MAP3K6: variants seen among roughly 807,000 people sequenced by gnomAD.
MAP3K6 encodes the protein apoptosis signal-regulating kinase 2.
In MAP3K6, 105 loss-of-function variants were observed where a neutral mutation model predicts 147.1. The observed-to-expected ratio is 0.71, with a 90% confidence interval of 0.61 to 0.84. The LOEUF (loss-of-function observed/expected upper bound fraction) is 0.84. Ranked by LOEUF, MAP3K6 falls within the 40% of genes least tolerant of loss-of-function variation. The pLI is 0.00. For missense variants in MAP3K6, 1,569 were observed against 1,715.0 expected, an observed-to-expected ratio of 0.91 and a Z score of 1.50; for synonymous variants, 695 against 732.4, an observed-to-expected ratio of 0.95 and a Z score of 0.82.
rs1191744071 is a variant in MAP3K6, at chr1:27,357,506, T to C, written c.3152A>G (p.Asn1051Ser). The change falls in exon 23 of 29, where the codon AAC becomes AGC. Residue 1051 changes from asparagine (N) to serine (S), a missense_variant. Coordinates refer to ENST00000357582, the MANE Select transcript of MAP3K6 (RefSeq NM_004672.5). ...CAGCTCCTGGGCGAGCTGCCGGCGG[T>C]TGGGAGTGTGGATGTGTGCCCCGAG... is the stretch of plus-strand genomic sequence containing the variant. Reference protein sequence around the residue: ...RCLGAHIHTPNRRQLAQELRA... With the variant: ...RCLGAHIHTPSRRQLAQELRA... 4.3e-6 allele frequency: 7 copies of C among 1,612,998 alleles called. No homozygotes were observed. The highest frequency in any genetic ancestry group is 5.9e-6 in the Non-Finnish European group (7 of 1,179,784).
chr1:27,356,957 C>G (rs2148046972), intron 24 of MAP3K6, 52 bp downstream of exon 24: 2 of 1,576,766 alleles, frequency 1.3e-6, no homozygotes, highest in Non-Finnish European at 1.7e-6. Flanking sequence ...TCACCGCGCC[C>G]AGCAAGCACC....
intron 8 of MAP3K6, 114 bp downstream of exon 8, chr1:27,362,527 C>T (rs2015816708): frequency 1.1e-6 from 1 of 898,662 alleles, no homozygotes; most frequent in Non-Finnish European, 1.7e-6. Flanking sequence ...GCAGGACAGT[C>T]CAAAATGGAT....
In MAP3K6 at chr1:27,359,794, C is replaced by T; in HGVS notation, c.2319+64G>A. Reference sequence around the variant, plus strand: ...CTTAATCTAAACTGCCAGCCTGCGTCTGGGACCATGTTTCCTTCCCCGCCA... The same window carrying T: ...CTTAATCTAAACTGCCAGCCTGCGTTTGGGACCATGTTTCCTTCCCCGCCA... On this transcript the variant is annotated intron_variant, in intron 17 of 28. Transcript: ENST00000357582. The surrounding 1 kb of genome is among the most constrained non-coding windows in gnomAD (Gnocchi z 4.4). 6.2e-7 allele frequency: 1 copy of T among 1,605,700 alleles called. No homozygotes were observed.
intron 5 of MAP3K6, 21 bp downstream of exon 5, chr1:27,363,896 G>C: frequency 6.5e-7 from 1 of 1,547,908 alleles, no homozygotes; most frequent in Non-Finnish European, 8.7e-7. Context: ...CTGCCCTACT[G>C]CCTCTCTGAA....
chr1:27,366,243 C>T lies in MAP3K6; in HGVS notation c.340+15G>A. 1.5e-6 allele frequency: 2 copies of T among 1,310,818 alleles called. No individual in the cohort carries two copies. Among genetic ancestry groups the T allele is most frequent in the Non-Finnish European group, 1.9e-6 (2 of 1,031,614 alleles). 81.2% of individuals were successfully genotyped at this position (1,310,818 alleles called of 1,614,324 possible). A position where few individuals can be genotyped will look rare whatever the true frequency, so the allele number is the denominator to read the frequency against. On this transcript the variant is annotated intron_variant, in intron 1 of 28. Transcript: ENST00000357582. The surrounding 1 kb of genome is among the most constrained non-coding windows in gnomAD (Gnocchi z 5.5). ...GAGTCCCGCCCGGATCCGGCCCCGC[C>T]CCCAGCGCTCTCACCCGCGTTGTAG...
Position 27,357,001 on chromosome 1 carries a change from C to A in MAP3K6, c.3364+8G>T, listed in dbSNP as rs771938222. ...GCTGGCAGGAGGCCCGTGGCATTCC[C>A]CTCCTACCCGGTCCTAGCACACCCA... On this transcript the variant is annotated splice_region_variant and intron_variant, in intron 24 of 28. Transcript: ENST00000357582. 6 of 1,613,118 alleles carry A rather than the reference C, an allele frequency of 3.7e-6. No individual in the cohort carries two copies. In the South Asian group the frequency reaches 6.6e-5, roughly 18 times the overall value.
rs536104398 is a variant in MAP3K6, at chr1:27,360,731, G to C, written c.2028C>G (p.Ile676Met). The C allele has an allele frequency of 2.5e-6, 4 of 1,612,420 alleles. No homozygotes were observed. In the Admixed American group the frequency reaches 5.0e-5, roughly 20 times the overall value. ...RDRHTRVRIA[I>M]KEIPERDSRF... ...TGCTGTCCCGCTCCGGGATCTCCTTGATGGCGATGCGCACCCTCGTGTGGC... is the reference window on the plus strand; with the variant it reads ...TGCTGTCCCGCTCCGGGATCTCCTTCATGGCGATGCGCACCCTCGTGTGGC... The change falls in exon 15 of 29, where the codon ATC becomes ATG. Residue 676 changes from isoleucine (I) to methionine (M), a missense_variant. Coordinates refer to ENST00000357582, the MANE Select transcript of MAP3K6 (RefSeq NM_004672.5). The surrounding 1 kb of genome is among the most constrained non-coding windows in gnomAD (Gnocchi z 4.5).
intron 22 of MAP3K6, 33 bp downstream of exon 22, chr1:27,357,678 G>A (rs370600411): frequency 9.0e-5 from 144 of 1,603,510 alleles, no homozygotes; most frequent in Admixed American, 1.8e-4. Flanking sequence ...GACCCTTTGC[G>A]ACCACCAGGG....
chr1:27,356,018 C>T lies in MAP3K6; in HGVS notation c.3711+8G>A, dbSNP rs372060699. 21 of 1,613,410 alleles carry T rather than the reference C, an allele frequency of 1.3e-5. No individual in the cohort carries two copies. Among genetic ancestry groups the T allele is most frequent in the African/African-American group, 6.7e-5 (5 of 74,902 alleles). ...AGGTCAGGGATAGCCAAGCACTCCC[C>T]GACTCACCATTTGGATGGTGCCTGA... On this transcript the variant is annotated splice_region_variant and intron_variant, in intron 27 of 28. Transcript: ENST00000357582.
chr1:27,357,345 C>T (rs79512993), intron 23 of MAP3K6, 55 bp downstream of exon 23: 12 of 1,550,880 alleles, frequency 7.7e-6, no homozygotes, highest in South Asian at 6.1e-5. Flanking sequence ...TCACCAGGCA[C>T]GGGGAACTCA....
Position 27,364,775 on chromosome 1 carries a change from G to A in MAP3K6, c.478C>T (p.Arg160Trp), listed in dbSNP as rs765108232. The change falls in exon 2 of 29, where the codon CGG (arginine) becomes TGG (tryptophan). Residue 160 changes from arginine (R) to tryptophan (W), a missense_variant and splice_region_variant. Transcript: ENST00000357582. This position sits in a 1 kb window ranked among gnomAD's most constrained non-coding sequence, Gnocchi z 4.4. ...QADLPDLQAL[R>W]EDVFQKNSDC... The stretch of plus-strand genomic sequence containing the variant: ...TCCACCAGCCCCAGGCCACCTACCC[G>A]CAGGGCCTGCAGGTCAGGGAGGTCG... 2.9e-5 allele frequency: 46 copies of A among 1,613,578 alleles called. No individual in the cohort carries two copies. In the Middle Eastern group the frequency reaches 8.3e-4, roughly 29 times the overall value.
Position 27,366,413 on chromosome 1 carries a change from C to A in MAP3K6, c.185G>T (p.Arg62Leu). 1.6e-6 allele frequency: 2 copies of A among 1,226,934 alleles called. No individual in the cohort carries two copies. The highest frequency in any genetic ancestry group is 2.0e-6 in the Non-Finnish European group (2 of 984,302). 76.0% of individuals were successfully genotyped at this position (1,226,934 alleles called of 1,614,324 possible). A position where few individuals can be genotyped will look rare whatever the true frequency, so the allele number is the denominator to read the frequency against. ...TREPQPGLEP[R>L]EGTEAEPLPL... Reference sequence around the variant, plus strand: ...CAGCGGCTCCGCCTCGGTTCCCTCCCGAGGCTCGAGCCCGGGCTGCGGCTC... The same window carrying A: ...CAGCGGCTCCGCCTCGGTTCCCTCCAGAGGCTCGAGCCCGGGCTGCGGCTC... Residue 62 changes from arginine (R) to leucine (L), a missense_variant, in exon 1 of 29, where the codon CGG (arginine) becomes CTG (leucine). Transcript: ENST00000357582. This position sits in a 1 kb window ranked among gnomAD's most constrained non-coding sequence, Gnocchi z 5.5.
At chr1:27,363,867 G>A in intron 5 of MAP3K6, 50 bp downstream of exon 5, 1 of 1,483,090 alleles carries the variant, frequency 6.7e-7, no homozygotes, top group Non-Finnish European at 9.0e-7. Flanking sequence ...ACTTGGGTTT[G>A]TCTGACCTCA....
intron 23 of MAP3K6, 74 bp from the exon 24 acceptor site, chr1:27,357,188 G>A: frequency 7.0e-7 from 1 of 1,431,828 alleles, no homozygotes. Flanking sequence ...GAAAGGCCTA[G>A]AAAGTCTTCG....
chr1:27,356,812 A>G (rs1252791933), intron 24 of MAP3K6, 63 bp from the exon 25 acceptor site: 34 of 1,514,944 alleles, frequency 2.2e-5, no homozygotes, highest in Non-Finnish European at 3.5e-6. Context: ...CCCAGACCCC[A>G]AAGTGCGGGG....
rs766950034 is a variant in MAP3K6 at position 27,355,665 on chromosome 1, G to T, written c.3788+4C>A. 14 of 1,613,524 alleles carry T rather than the reference G, an allele frequency of 8.7e-6. No homozygotes were observed. The highest frequency in any genetic ancestry group is 1.1e-5 in the Non-Finnish European group (13 of 1,179,954). On this transcript the variant is annotated splice_donor_region_variant and intron_variant, in intron 28 of 28. Coordinates refer to ENST00000357582, the MANE Select transcript of MAP3K6 (RefSeq NM_004672.5). ...GGTTCACACTTGGGGGGCCCAGGATGTACCTGATGCGGGTGTAGATGAGGT... is the reference window on the plus strand; with the variant it reads ...GGTTCACACTTGGGGGGCCCAGGATTTACCTGATGCGGGTGTAGATGAGGT...
intron 1 of MAP3K6, among the ~76,000 whole-genome samples, chr1:27,365,243 T>G (rs1470409372): frequency 6.6e-6 from 1 of 151,868 alleles, no homozygotes; most frequent in African/African-American, 2.4e-5. Context: ...AACATAGAAG[T>G]CCCCTCCCTT....
Position 27,357,775 on chromosome 1 carries a change from G to A in MAP3K6, c.3017C>T (p.Ala1006Val). The change falls in exon 22 of 29, where the codon GCA becomes GTA. Residue 1006 changes from alanine (A) to valine (V), a missense_variant. Coordinates refer to ENST00000357582, the MANE Select transcript of MAP3K6 (RefSeq NM_004672.5). ...CGCTGGCAGCTCCTGCTCCAATACT[G>A]CGGCCAGCATGGCCCGACGCTTGCT... ...QESKRRAMLA[A>V]VLEQELPALA... 6.2e-7 allele frequency: 1 copy of A among 1,610,970 alleles called. No homozygotes were observed. Among genetic ancestry groups the A allele is most frequent in the Non-Finnish European group, 8.5e-7 (1 of 1,179,498 alleles).
At position 27,360,069 on chromosome 1, in the gene MAP3K6, C is replaced by A. The variant is rs1557560402; in HGVS notation, c.2183-75G>T. 6 of 1,601,208 alleles carry A rather than the reference C, an allele frequency of 3.7e-6. No homozygotes were observed. The highest frequency in any genetic ancestry group is 5.1e-6 in the Non-Finnish European group (6 of 1,171,868). On this transcript the variant is annotated intron_variant, in intron 16 of 28. Transcript: ENST00000357582. This position sits in a 1 kb window ranked among gnomAD's most constrained non-coding sequence, Gnocchi z 4.5. ...CACATCTCTCTGCTCAAGGCCCAGA[C>A]ACACCCATGTTGTAGCCCAACTCCA...
Sources: allele counts gnomAD v4.1 joint callset (sites outside exome capture counted in the v4.1 genomes callset), GRCh38; gene constraint gnomAD v4.1.1; non-coding constraint Gnocchi (gnomAD v3.1); transcripts MANE v1.5; gene names NCBI Gene and HGNC (gene_info 2026-07-23, HGNC 2026-07-21).